The following PHLPP1 variants were observed in gnomAD, a reference collection of about 807,000 sequenced individuals.
PHLPP1 encodes PH domain and leucine rich repeat protein phosphatase 1.
Under a neutral mutation model 117.2 loss-of-function variants are expected in PHLPP1, and 42 were observed. That is an observed-to-expected ratio of 0.36 (90% CI 0.28 to 0.46). The LOEUF is 0.46. PHLPP1 is among the 20% of genes least tolerant of loss of function. The probability of loss-of-function intolerance (pLI) is 1.00; values close to 1 mark genes in which losing one functional copy is unlikely to be tolerated. For synonymous variants in PHLPP1, 1,042 were observed against 970.7 expected, an observed-to-expected ratio of 1.07 and a Z score of -1.37; for missense variants, 2,084 against 2,241.9, an observed-to-expected ratio of 0.93 and a Z score of 1.42.
intron 14 of PHLPP1, among the ~76,000 whole-genome samples, chr18:62,965,957 A>G (rs1568176826): frequency 6.6e-6 from 1 of 152,140 alleles, no homozygotes; most frequent in Non-Finnish European, 1.5e-5. Context: ...AAATGACTTT[A>G]AAATTTAACT....
chr18:62,725,881 T>A (rs1205918807), intron 1 of PHLPP1, among the ~76,000 whole-genome samples: 1 of 152,132 alleles, frequency 6.6e-6, no homozygotes, highest in Non-Finnish European at 1.5e-5. Flanking sequence ...AAGGAACTTT[T>A]AAAAAAATGC....
intron 10 of PHLPP1, among the ~76,000 whole-genome samples, chr18:62,937,076 T>C (rs1909995776): frequency 6.6e-6 from 1 of 152,224 alleles, no homozygotes; most frequent in African/African-American, 2.4e-5. Flanking sequence ...TGTCTACAAA[T>C]AGATAAATCT....
At chr18:62,969,275 C>A (rs1027547214) in intron 14 of PHLPP1, among the ~76,000 whole-genome samples, 3 of 152,030 alleles carry the variant, frequency 2.0e-5, no homozygotes, top group Non-Finnish European at 2.9e-5. Context: ...TTTCTAGTTT[C>A]TTTAAATGGA....
intron 10 of PHLPP1, among the ~76,000 whole-genome samples, chr18:62,938,994 C>CTTTCTTTTTTTTTTTTT (rs368316862): frequency 1.6e-5 from 2 of 128,678 alleles, no homozygotes; most frequent in African/African-American, 2.9e-5. Context: ...TTCTTTCTTT[C>CTTTCTTTTTTTTTTTTT]TTTTTTTTTT....
chr18:62,837,883 TCTCGAA>T (rs1217074751), intron 2 of PHLPP1: 1 of 152,094 alleles, frequency 6.6e-6, no homozygotes, highest in East Asian at 1.9e-4. Context: ...ACCAGGCTGG[TCTCGAA>T]CTCCTGACCT....
chr18:62,915,954 A>G (rs1321800137), intron 9 of PHLPP1, among the ~76,000 whole-genome samples: 1 of 152,178 alleles, frequency 6.6e-6, no homozygotes. Flanking sequence ...GAAGTCAGTT[A>G]TTTTTAGCTA....
chr18:62,784,979 G>A (rs541886263), intron 1 of PHLPP1, among the ~76,000 whole-genome samples: 22 of 152,250 alleles, frequency 1.4e-4, no homozygotes, highest in Admixed American at 1.1e-3. Context: ...TATTTATAAC[G>A]AAGGCAATTA....
In PHLPP1 at chr18:62,963,276, A is replaced by C. The variant is rs1245506441; in HGVS notation, c.3456-92A>C. ...AAGAAATGGTAAGTACAGAGTGTTTAACAGGTGTATTTTTTATTTCTTGGA... is the reference window on the plus strand; with the variant it reads ...AAGAAATGGTAAGTACAGAGTGTTTCACAGGTGTATTTTTTATTTCTTGGA... On this transcript the variant is annotated intron_variant, in intron 13 of 16. Coordinates refer to ENST00000262719, the MANE Select transcript of PHLPP1 (RefSeq NM_194449.4). 1.3e-5 allele frequency: 10 copies of C among 785,424 alleles called. No individual in the cohort carries two copies. In the East Asian group the frequency reaches 2.7e-4, roughly 21 times the overall value. The allele number at this position is 785,424 out of a possible 1,614,324, so 48.7% of individuals were successfully genotyped here.
chr18:62,738,552 A>G (rs1304734006), intron 1 of PHLPP1, among the ~76,000 whole-genome samples: 1 of 152,202 alleles, frequency 6.6e-6, no homozygotes, highest in Admixed American at 6.5e-5. Flanking sequence ...TTGAGTGTCC[A>G]TTGATTTTGG....
chr18:62,894,071 A>G (rs1418084948), intron 4 of PHLPP1, among the ~76,000 whole-genome samples: 2 of 152,216 alleles, frequency 1.3e-5, no homozygotes, highest in Admixed American at 6.5e-5. Flanking sequence ...GATTACTTCA[A>G]TTTGGGTTGG....
At chr18:62,902,305 T>A (rs1916744278) in intron 6 of PHLPP1, among the ~76,000 whole-genome samples, 1 of 152,194 alleles carries the variant, frequency 6.6e-6, no homozygotes, top group Non-Finnish European at 1.5e-5. Context: ...CAGTATTTTC[T>A]GCACTTCACT....
At chr18:62,892,107 T>TTTTTTTTA (rs1169764772) in intron 4 of PHLPP1, among the ~76,000 whole-genome samples, 1 of 117,806 alleles carries the variant, frequency 8.5e-6, no homozygotes, top group African/African-American at 2.9e-5. Context: ...TTTTTTTTTT[T>TTTTTTTTA]TACGGAGTTT....
chr18:62,716,280 C>T lies in PHLPP1; in HGVS notation c.597C>T (p.Leu199=). The T allele has an allele frequency of 6.5e-7, 1 of 1,531,128 alleles. No homozygotes were observed. Among genetic ancestry groups the T allele is most frequent in the Admixed American group, 2.0e-5 (1 of 50,612 alleles). The allele number at this position is 1,531,128 out of a possible 1,614,324, so 94.8% of individuals were successfully genotyped here. Residue 199 remains leucine, a synonymous_variant, in exon 1 of 17, where the codon CTC becomes CTT. Transcript: ENST00000262719. This position sits in a 1 kb window ranked among gnomAD's most constrained non-coding sequence, Gnocchi z 5.7. ...ACCGGGACTGGGTGAGGCACCAGCT[C>T]CAGCGCGGCTGCGTGCACGTCTTCG... The part of the protein sequence containing the change: ...PSDRDWVRHQ[L]QRGCVHVFDR...
intron 1 of PHLPP1, among the ~76,000 whole-genome samples, chr18:62,787,681 A>G (rs1735973320): frequency 6.6e-6 from 1 of 152,322 alleles, no homozygotes; most frequent in African/African-American, 2.4e-5. Flanking sequence ...AGTTTCTCCA[A>G]AGCATTTAGT....
intron 1 of PHLPP1, among the ~76,000 whole-genome samples, chr18:62,774,219 A>C (rs1421699623): frequency 6.6e-6 from 1 of 152,148 alleles, no homozygotes; most frequent in Admixed American, 6.5e-5. Flanking sequence ...GGTCCCGGAC[A>C]GTTTTTTTCT....
intron 8 of PHLPP1, among the ~76,000 whole-genome samples, chr18:62,914,652 T>C (rs1221006290): frequency 6.6e-6 from 1 of 152,178 alleles, no homozygotes; most frequent in Non-Finnish European, 1.5e-5. Context: ...CCCAGGCTGA[T>C]CTCGAACTCT....
chr18:62,837,184 G>A (rs1373129864), intron 2 of PHLPP1, among the ~76,000 whole-genome samples: 1 of 152,034 alleles, frequency 6.6e-6, no homozygotes, highest in East Asian at 1.9e-4. Context: ...TAGAGATAAG[G>A]TTTTGCCATG....
At position 62,778,349 on chromosome 18, in the gene PHLPP1, A is replaced by C. The variant is rs978795773; in HGVS notation, c.1577-51686A>C. Reference sequence around the variant, plus strand: ...ATTTTGGGTGCTATGTTGTTTTTAAAAATCATTTTATACTTAGAGGGGCTA... The same window carrying C: ...ATTTTGGGTGCTATGTTGTTTTTAACAATCATTTTATACTTAGAGGGGCTA... On this transcript the variant is annotated intron_variant, in intron 1 of 16. Transcript: ENST00000262719. 1.2e-4 allele frequency among the ~76,000 whole-genome samples: 19 copies of C among 152,180 alleles called. 1 individual carries two copies. Among genetic ancestry groups the C allele is most frequent in the African/African-American group, 4.6e-4 (19 of 41,444 alleles).
chr18:62,776,232 TCAGA>T (rs1213983832), intron 1 of PHLPP1, among the ~76,000 whole-genome samples: 2 of 152,162 alleles, frequency 1.3e-5, no homozygotes. Flanking sequence ...AGCTGGAAAC[TCAGA>T]CAGGAATTGA....
Sources: allele counts gnomAD v4.1 joint callset (sites outside exome capture counted in the v4.1 genomes callset), GRCh38; gene constraint gnomAD v4.1.1; non-coding constraint Gnocchi (gnomAD v3.1); transcripts MANE v1.5; gene names NCBI Gene and HGNC (gene_info 2026-07-23, HGNC 2026-07-21).